SERGEF: variants seen among roughly 807,000 people sequenced by gnomAD.
SERGEF encodes the protein secretion-regulating guanine nucleotide exchange factor.
Under a neutral mutation model 50.0 loss-of-function variants are expected in SERGEF, and 51 were observed. That is an observed-to-expected ratio of 1.02 (90% CI 0.81 to 1.29). The LOEUF is 1.29. Among genes scored for constraint, SERGEF ranks in the 50% most tolerant of loss-of-function variants. The pLI, the probability that SERGEF is intolerant of heterozygous loss-of-function variation, is 0.00. For missense variants in SERGEF, 521 were observed against 557.0 expected (o/e 0.94, Z 0.65); for synonymous variants, 205 against 212.4 (o/e 0.97, Z 0.30).
intron 9 of SERGEF, among the ~76,000 whole-genome samples, chr11:17,889,440 A>C (rs509688): frequency 0.39 from 58,831 of 151,962 alleles, 11,501 homozygotes; most frequent in South Asian, 0.41. Flanking sequence ...GTGAAATCCA[A>C]TCATGAGGAA....
chr11:17,900,324 T>C (rs532753100), intron 9 of SERGEF, among the ~76,000 whole-genome samples: 5 of 152,338 alleles, frequency 3.3e-5, no homozygotes, highest in South Asian at 2.1e-4. Context: ...AATTATGATA[T>C]GCAAAATGCT....
intron 9 of SERGEF, among the ~76,000 whole-genome samples, chr11:17,890,923 G>C (rs935155338): frequency 7.9e-5 from 12 of 152,078 alleles, no homozygotes; most frequent in African/African-American, 2.9e-4. Flanking sequence ...CTAAATATAA[G>C]ACAATTTGAG....
chr11:17,982,189 A>C (rs981347702), intron 8 of SERGEF, among the ~76,000 whole-genome samples: 1 of 152,142 alleles, frequency 6.6e-6, no homozygotes, highest in Non-Finnish European at 1.5e-5. Context: ...ACACTTCCTC[A>C]TCATCTCTGG....
chr11:17,952,579 T>C (rs1852791878), intron 9 of SERGEF, among the ~76,000 whole-genome samples: 1 of 152,212 alleles, frequency 6.6e-6, no homozygotes, highest in Non-Finnish European at 1.5e-5. Flanking sequence ...TCTTTCAGCC[T>C]TCTGACGTGC....
At chr11:17,860,381 G>T (rs983573813) in intron 10 of SERGEF, among the ~76,000 whole-genome samples, 13 of 152,088 alleles carry the variant, frequency 8.5e-5, no homozygotes, top group African/African-American at 3.1e-4. Flanking sequence ...CTACACGTGA[G>T]GATGGAGGGA....
intron 10 of SERGEF, among the ~76,000 whole-genome samples, chr11:17,862,550 C>G (rs894074069): frequency 1.3e-5 from 2 of 152,134 alleles, no homozygotes; most frequent in South Asian, 2.1e-4. Flanking sequence ...AGGGACAGCA[C>G]GGTGAATGAA....
At chr11:17,877,303 G>A (rs948510371) in intron 10 of SERGEF, among the ~76,000 whole-genome samples, 2 of 152,124 alleles carry the variant, frequency 1.3e-5, no homozygotes, top group Non-Finnish European at 2.9e-5. Context: ...TTGGTTTTCT[G>A]TTTTAACTTC....
intron 10 of SERGEF, among the ~76,000 whole-genome samples, chr11:17,827,743 G>C (rs978338175): frequency 1.3e-5 from 2 of 152,198 alleles, no homozygotes; most frequent in African/African-American, 2.4e-5. Context: ...TATTAGGCCA[G>C]AGTGAAAGGA....
chr11:17,918,990 G>C (rs1056960747), intron 9 of SERGEF, among the ~76,000 whole-genome samples: 2 of 152,174 alleles, frequency 1.3e-5, no homozygotes, highest in African/African-American at 4.8e-5. Flanking sequence ...TAAATGCTAG[G>C]TTGAGAGAGC....
intron 9 of SERGEF, among the ~76,000 whole-genome samples, chr11:17,921,627 CAT>C (rs1361629439): frequency 1.3e-5 from 2 of 152,284 alleles, no homozygotes; most frequent in East Asian, 1.9e-4. Context: ...CTAAGAGAAA[CAT>C]AGACAAAAAG....
chr11:17,802,888 G>T (rs1044974173), intron 10 of SERGEF, among the ~76,000 whole-genome samples: 5 of 152,064 alleles, frequency 3.3e-5, no homozygotes. Flanking sequence ...ATATACTTTT[G>T]TTTGTCTGTT....
rs1413821115 is a variant in SERGEF, at chr11:18,000,532, A to G, written c.473T>C (p.Ile158Thr). The G allele has an allele frequency of 1.9e-6, 3 of 1,588,872 alleles. No homozygotes were observed. The highest frequency in any genetic ancestry group is 2.7e-5 in the African/African-American group (2 of 73,316). The change falls in exon 5 of 11, where the codon ATT becomes ACT. Residue 158 changes from isoleucine (I) to threonine (T), a missense_variant. Physicochemically the swap from Ile to Thr is moderately conservative, Grantham distance 89 (BLOSUM62 -1). Coordinates refer to ENST00000265965, the MANE Select transcript of SERGEF (RefSeq NM_012139.4). ...IELHKEKVVC[I>T]AAGLRHAVAA... ...TACTGCATGCCTCAGTCCAGCAGCA[A>G]TACAAACAACCTTCTCTTTATGGAG...
At chr11:17,959,275 T>A (rs1356728445) in intron 9 of SERGEF, among the ~76,000 whole-genome samples, 195 bp downstream of exon 9, 1 of 152,228 alleles carries the variant, frequency 6.6e-6, no homozygotes, top group Non-Finnish European at 1.5e-5. Flanking sequence ...CTACACAAAG[T>A]CTGCCTTGCA....
At chr11:17,970,424 GCCTC>G (rs1344906981) in intron 8 of SERGEF, among the ~76,000 whole-genome samples, 7 of 151,998 alleles carry the variant, frequency 4.6e-5, no homozygotes, top group African/African-American at 1.5e-4. Context: ...CTCTCCTCAG[GCCTC>G]CCTATTTCCG....
chr11:17,826,612 G>A (rs1479509291), intron 10 of SERGEF, among the ~76,000 whole-genome samples: 1 of 152,070 alleles, frequency 6.6e-6, no homozygotes, highest in Non-Finnish European at 1.5e-5. Context: ...TGGTAATAAT[G>A]GTTTCACAAC....
intron 9 of SERGEF, among the ~76,000 whole-genome samples, chr11:17,923,383 AT>A (rs1852193266): frequency 1.3e-5 from 2 of 152,310 alleles, no homozygotes; most frequent in African/African-American, 4.8e-5. Flanking sequence ...ATCCTGGGAC[AT>A]GTTCTTAGAA....
At chr11:17,800,977 C>T (rs1396411292) in intron 10 of SERGEF, among the ~76,000 whole-genome samples, 3 of 152,034 alleles carry the variant, frequency 2.0e-5, no homozygotes, top group East Asian at 3.9e-4. Context: ...GGGTGGATCA[C>T]GAGGTCAGGA....
rs1434038231 is a variant in SERGEF at position 17,999,830 on chromosome 11, C to A, written c.508+667G>T. ...ATCCCAGGCTCTGATCCAAGCTCTA[C>A]GTTACTCCCTGTATAAGCTTACACA... On this transcript the variant is annotated intron_variant, in intron 5 of 10. Coordinates refer to ENST00000265965, the MANE Select transcript of SERGEF (RefSeq NM_012139.4). Among the ~76,000 whole-genome samples the A allele has an allele frequency of 2.6e-5, 4 of 152,210 alleles. 1 individual carries two copies. The highest frequency in any genetic ancestry group is 1.3e-4 in the Admixed American group (2 of 15,278).
chr11:17,788,478 T>C, intron 10 of SERGEF, 65 bp from the exon 11 acceptor site: 1 of 1,384,016 alleles, frequency 7.2e-7, no homozygotes, highest in Non-Finnish European at 9.9e-7. Context: ...ACATTCACCC[T>C]GAGGGTACAG....
Sources: allele counts gnomAD v4.1 joint callset (sites outside exome capture counted in the v4.1 genomes callset), GRCh38; gene constraint gnomAD v4.1.1; transcripts MANE v1.5; gene names NCBI Gene and HGNC (gene_info 2026-07-23, HGNC 2026-07-21).